Variants in TTN observed in about 807,000 individuals in gnomAD.
TTN encodes titin.
A neutral mutation model predicts 3,223.0 loss-of-function variants in TTN; 1,525 were observed. The observed-to-expected ratio is 0.47, with a 90% confidence interval of 0.45 to 0.49. The LOEUF (loss-of-function observed/expected upper bound fraction) is 0.49. Ranked by LOEUF, TTN falls within the 20% of genes least tolerant of loss-of-function variation. The pLI, the probability that TTN is intolerant of heterozygous loss-of-function variation, is 0.00. For synonymous variants in TTN, 14,094 were observed against 15,161.0 expected, an observed-to-expected ratio of 0.93 and a Z score of 5.17; for missense variants, 40,786 against 43,424.0, an observed-to-expected ratio of 0.94 and a Z score of 5.40.
intron 92 of TTN, 93 bp downstream of exon 92, chr2:178,713,804 T>G: frequency 6.9e-7 from 1 of 1,454,558 alleles, no homozygotes; most frequent in Non-Finnish European, 9.2e-7. Flanking sequence ...ACTCATGTTA[T>G]CCTATAGAAG....
At chr2:178,667,112 C>T in intron 162 of TTN, 124 bp downstream of exon 162, 1 of 1,018,312 alleles carries the variant, frequency 9.8e-7, no homozygotes, top group Non-Finnish European at 1.4e-6. Flanking sequence ...GTGGGTATAT[C>T]AGATCCTTTA....
At chr2:178,794,019 G>A (rs2093643338) in intron 8 of TTN, among the ~76,000 whole-genome samples, 1 of 152,208 alleles carries the variant, frequency 6.6e-6, no homozygotes, top group African/African-American at 2.4e-5. Context: ...GGGAAACTTA[G>A]AGAAATGTAA....
intron 161 of TTN, 61 bp from the exon 162 acceptor site, chr2:178,667,380 A>T: frequency 6.4e-7 from 1 of 1,572,036 alleles, no homozygotes; most frequent in South Asian, 1.2e-5. Flanking sequence ...TATAAAAAGC[A>T]TGCAATGTTT....
chr2:178,757,070 A>G (rs1215780943), intron 45 of TTN, among the ~76,000 whole-genome samples: 1 of 50,908 alleles, frequency 2.0e-5, no homozygotes, highest in East Asian at 5.5e-4. Flanking sequence ...CAGCTATCCA[A>G]AGTGACCCAG....
At chr2:178,754,169 C>A (rs1016720986) in intron 46 of TTN, among the ~76,000 whole-genome samples, 1 of 152,086 alleles carries the variant, frequency 6.6e-6, no homozygotes, top group East Asian at 1.9e-4. Context: ...TTATTATGCA[C>A]ATAATAACTG....
rs369221174 is a variant in TTN, at chr2:178,559,843, G to A, written c.86289C>T (p.Thr28763=). The A allele has an allele frequency of 3.1e-6, 5 of 1,610,910 alleles. No individual in the cohort carries two copies. In the African/African-American group the frequency reaches 6.7e-5, roughly 22 times the overall value. ...LFDIDSEMRK[T]LIVKAGASFT... ...ATGAGGCACCAGCCTTGACAATCAAGGTCTTCCTCATTTCACTGTCAATAT... is the reference window on the plus strand; with the variant it reads ...ATGAGGCACCAGCCTTGACAATCAAAGTCTTCCTCATTTCACTGTCAATAT... Residue 28763 remains threonine (T), a synonymous_variant, in exon 326 of 363, where the codon ACC becomes ACT. Coordinates refer to ENST00000589042, the MANE Select transcript of TTN (RefSeq NM_001267550.2).
In TTN at chr2:178,733,861, A is replaced by G. The variant is rs768534143; in HGVS notation, c.15528T>C (p.Asp5176=). 6.9e-6 allele frequency: 11 copies of G among 1,604,426 alleles called. No homozygotes were observed. Among genetic ancestry groups the G allele is most frequent in the Admixed American group, 5.1e-5 (3 of 59,396 alleles). The part of the protein sequence containing the change: ...EPPTFVKKVD[D]LIALGGQTVT... ...CGGTTTGTCCTCCTAGTGCAATCAA[A>G]TCATCTACTTTCTTTACAAAGGTTG... Residue 5176 remains aspartate (D), a synonymous_variant, in exon 53 of 363, where the codon GAT becomes GAC. Coordinates refer to ENST00000589042, the MANE Select transcript of TTN (RefSeq NM_001267550.2).
chr2:178,642,885 TA>T (rs1226799244), intron 218 of TTN, among the ~76,000 whole-genome samples: 1 of 152,006 alleles, frequency 6.6e-6, no homozygotes. Flanking sequence ...TATTTAAAAT[TA>T]TAGAATTATA....
In TTN at chr2:178,593,006, G is replaced by A. The variant is rs72646839; in HGVS notation, c.59113C>T (p.Arg19705Cys). Residue 19705 changes from arginine (R) to cysteine (C), a missense_variant, in exon 300 of 363, where the codon CGT (arginine) becomes TGT (cysteine). Coordinates refer to ENST00000589042, the MANE Select transcript of TTN (RefSeq NM_001267550.2). The stretch of plus-strand genomic sequence containing the variant: ...AGAATCTTGCTCCCACCATCATGAC[G>A]TGGTGGCTGCCAAGTTAGATCGACT... ...NSVDLTWQPP[R>C]HDGGSKILGY... 2.1e-4 allele frequency: 346 copies of A among 1,613,342 alleles called. No homozygotes were observed. The highest frequency in any genetic ancestry group is 4.0e-4 in the Admixed American group (24 of 59,952).
Position 178,565,474 on chromosome 2 carries a change from A to C in TTN, c.80658T>G (p.Phe26886Leu), listed in dbSNP as rs777520116. 8 of 1,613,160 alleles carry C rather than the reference A, an allele frequency of 5.0e-6. No individual in the cohort carries two copies. The African/African-American group carries it at 1.1e-4, about 22-fold the overall frequency. Residue 26886 changes from phenylalanine (F) to leucine (L), a missense_variant, in exon 326 of 363, where the codon TTT becomes TTG. Physicochemically the swap from Phe to Leu is conservative, Grantham distance 22 (BLOSUM62 0). Transcript: ENST00000589042. ...CTCCAGCTTGGATACTATATGTGTT[A>C]AATGGTAACTTTAAACTAGGCTGTA... Reference protein sequence around the residue: ...LTIQPSLKLPFNTYSIQAGED... With the variant: ...LTIQPSLKLPLNTYSIQAGED...
chr2:178,617,568 AAC>A lies in TTN; in HGVS notation c.47573-58_47573-57del, dbSNP rs1576504386. On this transcript the variant is annotated intron_variant, in intron 253 of 362. Coordinates refer to ENST00000589042, the MANE Select transcript of TTN (RefSeq NM_001267550.2). ...ATTTACGTTAGTGACAATTTATGAAAACAGTGTTGTAATCAATTATATCATCC... is the reference window on the plus strand; with the variant it reads ...ATTTACGTTAGTGACAATTTATGAAAAGTGTTGTAATCAATTATATCATCC... 1.9e-5 allele frequency: 29 copies of A among 1,495,882 alleles called. No individual in the cohort carries two copies. The South Asian group carries it at 3.4e-4, about 17-fold the overall frequency. The allele number at this position is 1,495,882 out of a possible 1,614,324, so 92.7% of individuals were successfully genotyped here. A position where few individuals can be genotyped will look rare whatever the true frequency, so the allele number is the denominator to read the frequency against.
At position 178,663,884 on chromosome 2, in the gene TTN, T is replaced by C. The variant is rs780761095; in HGVS notation, c.36383A>G (p.Glu12128Gly). 2 of 1,613,380 alleles carry C rather than the reference T, an allele frequency of 1.2e-6. No homozygotes were observed. Among genetic ancestry groups the C allele is most frequent in the Admixed American group, 3.3e-5 (2 of 59,994 alleles). The change falls in exon 170 of 363, where the codon GAG becomes GGG. Residue 12128 changes from glutamate (E) to glycine (G), a missense_variant. Coordinates refer to ENST00000589042, the MANE Select transcript of TTN (RefSeq NM_001267550.2). ...GGGCACTTTCTCTTCGCGGATAACC[T>C]CTTTGGAAGCTTCTGGCACTTGAAA... Reference protein sequence around the residue: ...PPVKVPEASKEVIREEKVPLA... With the variant: ...PPVKVPEASKGVIREEKVPLA...
In TTN at chr2:178,777,909, T is replaced by C. The variant is rs749859784; in HGVS notation, c.4275A>G (p.Ala1425=). The change falls in exon 25 of 363, where the codon GCA becomes GCG. Residue 1425 remains alanine, a synonymous_variant. Coordinates refer to ENST00000589042, the MANE Select transcript of TTN (RefSeq NM_001267550.2). ...IRMSPARMSP[A]RMSPARMSPA... ...GGGACATCCGTGCAGGAGACATCCT[T>C]GCAGGTGACATCCGTGCAGGAGACA... is the stretch of plus-strand genomic sequence containing the variant. 11 of 1,613,854 alleles carry C rather than the reference T, an allele frequency of 6.8e-6. No individual in the cohort carries two copies. The highest frequency in any genetic ancestry group is 9.3e-6 in the Non-Finnish European group (11 of 1,179,922).
At chr2:178,699,318 T>C (rs191450609) in intron 111 of TTN, among the ~76,000 whole-genome samples, 5 of 150,796 alleles carry the variant, frequency 3.3e-5, no homozygotes, top group African/African-American at 1.2e-4. Flanking sequence ...GCAGCTGTTA[T>C]ACCTTAACCA....
chr2:178,734,535 CA>C lies in TTN; in HGVS notation c.15288del (p.Cys5096TrpfsTer76). The C allele has an allele frequency of 1.2e-6, 2 of 1,611,376 alleles. No homozygotes were observed. The highest frequency in any genetic ancestry group is 1.7e-6 in the Non-Finnish European group (2 of 1,178,358). On this transcript the variant is annotated frameshift_variant, in exon 52 of 363. Coordinates refer to ENST00000589042, the MANE Select transcript of TTN (RefSeq NM_001267550.2). LOFTEE classifies it high-confidence loss of function. ...TCAAATGGTCCAGTGCCTGAGACTT[CA>C]CACTGAAGTAGAGCATTTGTTCCTC... ...IVRGTNALLQ[C>X]EVSGTGPFEI... is the part of the protein sequence containing the mutation.
chr2:178,719,525 T>C, intron 82 of TTN, 29 bp downstream of exon 82: 1 of 1,590,248 alleles, frequency 6.3e-7, no homozygotes, highest in Admixed American at 1.7e-5. Context: ...GGAAATATTG[T>C]ATATTCATAA....
In TTN at chr2:178,764,647, C is replaced by G. The variant is rs750489067; in HGVS notation, c.9868G>C (p.Asp3290His). 3.7e-5 allele frequency: 60 copies of G among 1,613,980 alleles called. No individual in the cohort carries two copies. Among genetic ancestry groups the G allele is most frequent in the Non-Finnish European group, 5.0e-5 (59 of 1,180,000 alleles). The change falls in exon 42 of 363, where the codon GAT becomes CAT. Residue 3290 changes from aspartate to histidine, a missense_variant. Transcript: ENST00000589042. ...STGFKCKFLHDGQEYTLLLIE... is the reference protein window; with the variant it reads ...STGFKCKFLHHGQEYTLLLIE... ...AGCAAAAGCGTGTATTCTTGCCCAT[C>G]ATGAAGAAATTTGCACTTGAAGCCA...
Position 178,731,718 on chromosome 2 carries a change from G to GGCA in TTN, c.17156_17157insTGC (p.Ile5719_Cys5720insAla). On this transcript the variant is annotated inframe_insertion, in exon 58 of 363. Transcript: ENST00000589042. ...CTCTTAAAGTCACCCTGGCACTGCA[G>GGCA]ATGCTGCTGCCCACCTCATTGGTCA... 1 of 1,612,430 alleles carries GGCA rather than the reference G, an allele frequency of 6.2e-7. No individual in the cohort carries two copies.
chr2:178,628,509 T>C (rs991247335), intron 240 of TTN, among the ~76,000 whole-genome samples: 1 of 152,106 alleles, frequency 6.6e-6, no homozygotes, highest in Admixed American at 6.6e-5. Flanking sequence ...TAAAGACATA[T>C]GTTGTTTCTG....
Sources: gnomAD v4.1 joint callset for allele counts (sites outside exome capture counted in the v4.1 genomes callset) on GRCh38, gnomAD v4.1.1 for gene constraint, MANE v1.5 for transcripts, NCBI Gene and HGNC (gene_info 2026-07-23, HGNC 2026-07-21) for gene names.